ARPP21: variants seen among roughly 807,000 people sequenced by gnomAD.
ARPP21 encodes the protein cAMP-regulated phosphoprotein 21.
In ARPP21, 69 loss-of-function variants were observed where a neutral mutation model predicts 113.2. The ratio of observed to expected loss-of-function variants is 0.61; its 90% CI spans 0.50 to 0.74. The LOEUF is 0.74. ARPP21 is among the 30% of genes least tolerant of loss of function. The pLI, the probability that ARPP21 is intolerant of heterozygous loss-of-function variation, is 0.00. For synonymous variants in ARPP21, 368 were observed against 375.5 expected (o/e 0.98, Z 0.23); for missense variants, 1,070 against 1,037.4 (o/e 1.03, Z -0.43).
chr3:35,712,002 GA>G (rs972969196), intron 11 of ARPP21, among the ~76,000 whole-genome samples: 36 of 152,124 alleles, frequency 2.4e-4, no homozygotes, highest in Non-Finnish European at 4.9e-4. Context: ...AAAAGGCAGG[GA>G]TCATTGGGGG....
intron 9 of ARPP21, among the ~76,000 whole-genome samples, chr3:35,700,176 A>G (rs2085770495): frequency 6.6e-6 from 1 of 151,718 alleles, no homozygotes; most frequent in South Asian, 2.1e-4. Context: ...TTTATTTTCT[A>G]TTTTTTACAA....
At chr3:35,781,508 A>G (rs1202195032) in intron 19 of ARPP21, 1 of 152,226 alleles carries the variant, frequency 6.6e-6, no homozygotes, top group Non-Finnish European at 1.5e-5. Context: ...CAGCCAGCTG[A>G]AAAGATAAGC....
At chr3:35,681,913 A>G in intron 3 of ARPP21, 33 bp downstream of exon 3, 1 of 1,608,240 alleles carries the variant, frequency 6.2e-7, no homozygotes, top group Non-Finnish European at 8.5e-7. Flanking sequence ...TGACTCTCAT[A>G]CAACTGTGTG....
intron 1 of ARPP21, chr3:35,640,864 A>G (rs1366993369): frequency 6.6e-6 from 1 of 152,184 alleles, no homozygotes; most frequent in East Asian, 1.9e-4. Flanking sequence ...GCAATCGCCA[A>G]TTTACTCTTT....
At chr3:35,777,249 T>C (rs1002916297) in intron 19 of ARPP21, among the ~76,000 whole-genome samples, 2 of 152,202 alleles carry the variant, frequency 1.3e-5, no homozygotes, top group Non-Finnish European at 2.9e-5. Flanking sequence ...TGGAAACTAA[T>C]GGTAACTACT....
chr3:35,682,760 TTCTTTCTC>T, intron 3 of ARPP21, 80 bp from the exon 4 acceptor site: 2 of 1,167,292 alleles, frequency 1.7e-6, no homozygotes, highest in South Asian at 1.6e-5. Context: ...TTTTCTCTCT[TTCTTTCTC>T]TCTCTCTCTC....
At chr3:35,704,432 G>A (rs2087862909) in intron 9 of ARPP21, among the ~76,000 whole-genome samples, 2 of 151,746 alleles carry the variant, frequency 1.3e-5, no homozygotes, top group African/African-American at 4.8e-5. Flanking sequence ...AAGATACAAT[G>A]ACACTTGAAA....
At chr3:35,748,378 AAG>A (rs1182272005) in intron 19 of ARPP21, among the ~76,000 whole-genome samples, 5 of 151,296 alleles carry the variant, frequency 3.3e-5, no homozygotes, top group African/African-American at 4.8e-5. Flanking sequence ...AAAGGAAAGA[AAG>A]AAAGAAAAAG....
rs1490012181 is a variant in ARPP21 at position 35,667,943 on chromosome 3, GAA to G, written c.-212-11843_-212-11842del. Among the ~76,000 whole-genome samples the G allele has an allele frequency of 4.9e-4, 67 of 135,492 alleles. 1 individual carries two copies. Among genetic ancestry groups the G allele is most frequent in the Middle Eastern group, 3.8e-3 (1 of 264 alleles). 88.9% of individuals were successfully genotyped at this position (135,492 alleles called of 152,430 possible). A position where few individuals can be genotyped will look rare whatever the true frequency, so the allele number is the denominator to read the frequency against. On this transcript the variant is annotated intron_variant, in intron 1 of 20. Coordinates refer to ENST00000684406, the MANE Select transcript of ARPP21 (RefSeq NM_001385562.1). ...AGGAGGAGGAGGAGGAGAAGGAGAA[GAA>G]GAAAAGAAGAAGAAGAAGAAGAAGA...
intron 11 of ARPP21, among the ~76,000 whole-genome samples, chr3:35,710,547 AC>A (rs2090788501): frequency 3.1e-5 from 2 of 64,462 alleles, no homozygotes; most frequent in Admixed American, 2.4e-4. Flanking sequence ...TCTCAAACAC[AC>A]ACACACACAC....
At chr3:35,695,253 A>C (rs191502978) in intron 9 of ARPP21, among the ~76,000 whole-genome samples, 1 of 151,700 alleles carries the variant, frequency 6.6e-6, no homozygotes, top group East Asian at 2.0e-4. Flanking sequence ...TTACATTAAT[A>C]CATTCCAGGT....
At chr3:35,668,674 A>G (rs908466553) in intron 1 of ARPP21, among the ~76,000 whole-genome samples, 5 of 152,192 alleles carry the variant, frequency 3.3e-5, no homozygotes, top group African/African-American at 1.2e-4. Flanking sequence ...ACACATAAAT[A>G]TTTAAAATTA....
At chr3:35,792,294 G>C in intron 19 of ARPP21, 88 bp from the exon 20 acceptor site, 1 of 1,121,396 alleles carries the variant, frequency 8.9e-7, no homozygotes, top group South Asian at 1.4e-5. Flanking sequence ...ATGTCTGAAG[G>C]CTGCCTTTTG....
intron 19 of ARPP21, among the ~76,000 whole-genome samples, chr3:35,757,000 G>A (rs1398691843): frequency 6.6e-6 from 1 of 151,608 alleles, no homozygotes; most frequent in Non-Finnish European, 1.5e-5. Flanking sequence ...TTATGCATGG[G>A]CAGTGTTAAG....
chr3:35,792,288 C>G, intron 19 of ARPP21, 94 bp from the exon 20 acceptor site: 1 of 1,068,522 alleles, frequency 9.4e-7, no homozygotes, highest in Non-Finnish European at 1.4e-6. Flanking sequence ...ACTGAGATGT[C>G]TGAAGGCTGC....
chr3:35,755,652 T>C (rs897623643), intron 19 of ARPP21, among the ~76,000 whole-genome samples: 3 of 152,132 alleles, frequency 2.0e-5, no homozygotes, highest in Non-Finnish European at 2.9e-5. Flanking sequence ...TACCATGCTA[T>C]TTCTTGTTCA....
chr3:35,790,487 A>G (rs1034449672), intron 19 of ARPP21, among the ~76,000 whole-genome samples: 4 of 152,236 alleles, frequency 2.6e-5, no homozygotes, highest in African/African-American at 4.8e-5. Flanking sequence ...TAGACAATGA[A>G]AAACAATCGG....
intron 19 of ARPP21, among the ~76,000 whole-genome samples, chr3:35,778,397 A>AGCGG (rs2096437935): frequency 6.6e-6 from 1 of 152,082 alleles, no homozygotes. Flanking sequence ...AGGGAGAGAG[A>AGCGG]GCAGGCAGAG....
At chr3:35,765,489 GT>G (rs1317722315) in intron 19 of ARPP21, among the ~76,000 whole-genome samples, 1 of 152,104 alleles carries the variant, frequency 6.6e-6, no homozygotes, top group Non-Finnish European at 1.5e-5. Context: ...TGAAGCATCA[GT>G]ATACTGAAAT....
Sources: gnomAD v4.1 joint callset for allele counts (sites outside exome capture counted in the v4.1 genomes callset) on GRCh38, gnomAD v4.1.1 for gene constraint, MANE v1.5 for transcripts, NCBI Gene and HGNC (gene_info 2026-07-23, HGNC 2026-07-21) for gene names.